Variants in MSH4 observed in about 807,000 individuals in gnomAD.
MSH4 encodes the protein mutS homolog 4.
In MSH4, 106 loss-of-function variants were observed where a neutral mutation model predicts 113.7. The ratio of observed to expected loss-of-function variants is 0.93; its 90% confidence interval spans 0.80 to 1.10. MSH4 has a LOEUF of 1.10. Among genes scored for constraint, MSH4 ranks in the 50% least tolerant of loss-of-function variants. The probability of loss-of-function intolerance (pLI) is 0.00; values close to 1 mark genes in which losing one functional copy is unlikely to be tolerated. For synonymous variants in MSH4, 368 were observed against 380.2 expected, an observed-to-expected ratio of 0.97 and a Z score of 0.37; for missense variants, 1,061 against 1,093.7, an observed-to-expected ratio of 0.97 and a Z score of 0.42.
intron 19 of MSH4, among the ~76,000 whole-genome samples, chr1:75,904,226 T>C (rs1476543055): frequency 6.6e-6 from 1 of 152,146 alleles, no homozygotes; most frequent in East Asian, 1.9e-4. Context: ...CGTGTAATCA[T>C]GGTGAATGAT....
chr1:75,876,104 A>C (rs1009401051), intron 9 of MSH4, among the ~76,000 whole-genome samples: 4 of 152,164 alleles, frequency 2.6e-5, no homozygotes, highest in African/African-American at 9.6e-5. Flanking sequence ...CATTATGTAC[A>C]TATGCAAATA....
chr1:75,895,415 T>C (rs1414871072), intron 17 of MSH4, among the ~76,000 whole-genome samples: 1 of 152,064 alleles, frequency 6.6e-6, no homozygotes, highest in Non-Finnish European at 1.5e-5. Context: ...TTCACCCCAC[T>C]AGTTAAAGAG....
At chr1:75,884,440 T>C (rs1277347841) in intron 15 of MSH4, among the ~76,000 whole-genome samples, 1 of 152,080 alleles carries the variant, frequency 6.6e-6, no homozygotes, top group African/African-American at 2.4e-5. Context: ...AGAGATGAGA[T>C]ACTTGGCCAA....
chr1:75,821,055 G>C (rs1349497447), intron 6 of MSH4, among the ~76,000 whole-genome samples: 4 of 151,534 alleles, frequency 2.6e-5, no homozygotes, highest in Non-Finnish European at 4.4e-5. Context: ...CCAAGCGGAC[G>C]TAATAGACAT....
chr1:75,804,893 A>G (rs936579165), intron 2 of MSH4, among the ~76,000 whole-genome samples: 2 of 151,998 alleles, frequency 1.3e-5, no homozygotes, highest in East Asian at 3.9e-4. Context: ...CAGTGGCACA[A>G]CTTGGCTCAC....
At chr1:75,889,165 T>G (rs1652196200) in intron 15 of MSH4, 86 bp from the exon 16 acceptor site, 2 of 677,506 alleles carry the variant, frequency 3.0e-6, no homozygotes, top group Non-Finnish European at 5.1e-6. Flanking sequence ...ATATAATCCT[T>G]GTAAATAATC....
intron 1 of MSH4, among the ~76,000 whole-genome samples, chr1:75,798,917 G>A (rs902187753): frequency 1.3e-5 from 2 of 152,114 alleles, no homozygotes; most frequent in Non-Finnish European, 2.9e-5. Flanking sequence ...CCAGAGTTAT[G>A]TGGAAAATGA....
chr1:75,885,893 T>C (rs1452507818), intron 15 of MSH4, among the ~76,000 whole-genome samples: 1 of 127,590 alleles, frequency 7.8e-6, no homozygotes, highest in African/African-American at 2.9e-5. Flanking sequence ...ATATTATATA[T>C]GATGTATTAT....
chr1:75,908,604 T>C (rs1026380655), intron 19 of MSH4, among the ~76,000 whole-genome samples: 1 of 152,210 alleles, frequency 6.6e-6, no homozygotes, highest in Non-Finnish European at 1.5e-5. Context: ...ACCAGCTCCT[T>C]GCTTTGTTCA....
intron 2 of MSH4, among the ~76,000 whole-genome samples, chr1:75,805,231 T>C (rs973614674): frequency 4.6e-5 from 7 of 152,174 alleles, no homozygotes; most frequent in African/African-American, 1.7e-4. Flanking sequence ...TATGCTGTTA[T>C]CTCTCTGTTG....
At chr1:75,838,186 G>A (rs951299625) in intron 7 of MSH4, among the ~76,000 whole-genome samples, 1 of 152,154 alleles carries the variant, frequency 6.6e-6, no homozygotes, top group African/African-American at 2.4e-5. Context: ...GGCTCTGGAG[G>A]GGGAGTCCAT....
intron 9 of MSH4, among the ~76,000 whole-genome samples, chr1:75,869,773 C>A (rs1043778737): frequency 1.3e-5 from 2 of 152,198 alleles, no homozygotes; most frequent in African/African-American, 4.8e-5. Context: ...GATGTCCAGG[C>A]AGAAGTCTTC....
chr1:75,814,243 A>T (rs1043388370), intron 4 of MSH4, among the ~76,000 whole-genome samples: 1 of 147,226 alleles, frequency 6.8e-6, no homozygotes, highest in African/African-American at 2.5e-5. Context: ...ACTTGAGCCC[A>T]GGAGTTTGAC....
At chr1:75,818,525 A>G (rs966872082) in intron 6 of MSH4, among the ~76,000 whole-genome samples, 3 of 152,346 alleles carry the variant, frequency 2.0e-5, no homozygotes, top group South Asian at 2.1e-4. Flanking sequence ...AGAATTAAAC[A>G]AGTTAATACT....
chr1:75,899,420 TAAGTAA>T (rs1652460697), intron 18 of MSH4, among the ~76,000 whole-genome samples, 192 bp from the exon 19 acceptor site: 1 of 152,166 alleles, frequency 6.6e-6, no homozygotes, highest in Admixed American at 6.5e-5. Context: ...GTGTCTTGGA[TAAGTAA>T]TTAAATCTAA....
intron 8 of MSH4, among the ~76,000 whole-genome samples, chr1:75,852,851 C>T (rs1192951720): frequency 6.6e-6 from 1 of 151,954 alleles, no homozygotes; most frequent in African/African-American, 2.4e-5. Context: ...GCATGTTAAT[C>T]CCCGATCAAA....
At position 75,882,186 on chromosome 1, in the gene MSH4, C is replaced by T. The variant is rs1651949030; in HGVS notation, c.1906+816C>T. ...ATATCTCCTTTGCATCAAAACTCTA[C>T]TTTAGGGGTCAGATATTCCAATGGT... On this transcript the variant is annotated intron_variant, in intron 14 of 19. Coordinates refer to ENST00000263187, the MANE Select transcript of MSH4 (RefSeq NM_002440.4). Among the ~76,000 whole-genome samples the T allele has an allele frequency of 2.0e-5, 3 of 152,110 alleles. No individual in the cohort carries two copies. The South Asian group carries it at 6.2e-4, about 32-fold the overall frequency.
At chr1:75,802,803 G>A (rs568087738) in intron 1 of MSH4, among the ~76,000 whole-genome samples, 3 of 152,280 alleles carry the variant, frequency 2.0e-5, no homozygotes, top group South Asian at 4.1e-4. Flanking sequence ...CATATTTCTT[G>A]GAAGTCTGGA....
At chr1:75,870,389 T>C (rs746196904) in intron 9 of MSH4, among the ~76,000 whole-genome samples, 3 of 152,162 alleles carry the variant, frequency 2.0e-5, no homozygotes, top group Non-Finnish European at 2.9e-5. Context: ...TTGGAAGGAA[T>C]GATTGGTTTT....
Sources: gnomAD v4.1 joint callset for allele counts (sites outside exome capture counted in the v4.1 genomes callset) on GRCh38, gnomAD v4.1.1 for gene constraint, MANE v1.5 for transcripts, NCBI Gene and HGNC (gene_info 2026-07-23, HGNC 2026-07-21) for gene names.